Variants in TSPAN9 observed in about 807,000 individuals in gnomAD.
TSPAN9 encodes the protein tetraspanin 9.
In TSPAN9, 16 loss-of-function variants were observed where a neutral mutation model predicts 31.0. The observed-to-expected ratio is 0.52, with a 90% CI of 0.35 to 0.78. The LOEUF (loss-of-function observed/expected upper bound fraction) is 0.78. Among genes scored for constraint, TSPAN9 ranks in the 30% least tolerant of loss-of-function variants. The pLI is 0.01. For synonymous variants in TSPAN9, 145 were observed against 121.6 expected, an observed-to-expected ratio of 1.19 and a Z score of -1.27; for missense variants, 272 against 312.5, an observed-to-expected ratio of 0.87 and a Z score of 0.98.
Position 3,143,140 on chromosome 12 carries a change from T to C in TSPAN9, c.-17-58037T>C, listed in dbSNP as rs1258307515. Among the ~76,000 whole-genome samples the C allele has an allele frequency of 6.6e-6, 1 of 152,022 alleles. No homozygotes were observed. Among genetic ancestry groups the C allele is most frequent in the Non-Finnish European group, 1.5e-5 (1 of 68,012 alleles). ...GTGTGTGGCATCAAGGGGAATGTGATGTCTGTGTGTCTTATTACTGGTGAT... is the reference window on the plus strand; with the variant it reads ...GTGTGTGGCATCAAGGGGAATGTGACGTCTGTGTGTCTTATTACTGGTGAT... On this transcript the variant is annotated intron_variant, in intron 2 of 8. Transcript: ENST00000011898. The surrounding 1 kb of genome is among the most constrained non-coding windows in gnomAD (Gnocchi z 4.2).
chr12:3,216,986 G>A (rs532890703), intron 3 of TSPAN9, among the ~76,000 whole-genome samples: 2 of 152,358 alleles, frequency 1.3e-5, no homozygotes, highest in South Asian at 4.1e-4. Flanking sequence ...CCCCTGAACT[G>A]CAGTTGGAGG....
chr12:3,096,433 C>CTTTTTTTTTTTTTTTTTTTTTTTTTT (rs1302577208), intron 2 of TSPAN9, among the ~76,000 whole-genome samples: 1 of 152,118 alleles, frequency 6.6e-6, no homozygotes, highest in African/African-American at 2.4e-5. Flanking sequence ...TGCATTGTCT[C>CTTTTTTTTTTTTTTTTTTTTTTTTTT]TTTATTCCTT....
rs1439493698 is a variant in TSPAN9 at position 3,171,855 on chromosome 12, TC to T, written c.-17-29320del. 14 of 152,190 alleles carry T rather than the reference TC, an allele frequency of 9.2e-5. No individual in the cohort carries two copies. The East Asian group carries it at 2.5e-3, about 27-fold the overall frequency. The allele number at this position is 152,190 out of a possible 1,614,324, so 9.4% of individuals were successfully genotyped here. A position where few individuals can be genotyped will look rare whatever the true frequency, so the allele number is the denominator to read the frequency against. On this transcript the variant is annotated intron_variant, in intron 2 of 8. Coordinates refer to ENST00000011898, the MANE Select transcript of TSPAN9 (RefSeq NM_006675.5). ...AATCTCTGGGAGCGTGGCAGTTTCT[TC>T]CGTGTGTCACGTTCTCCCTGTGTCT...
intron 2 of TSPAN9, among the ~76,000 whole-genome samples, chr12:3,150,483 G>A (rs913760198): frequency 4.6e-5 from 7 of 152,124 alleles, no homozygotes; most frequent in East Asian, 1.9e-4. Flanking sequence ...TCTGTGGCCC[G>A]GTGTGAATCT....
intron 2 of TSPAN9, among the ~76,000 whole-genome samples, chr12:3,136,411 C>T (rs1253297082): frequency 6.6e-6 from 1 of 152,168 alleles, no homozygotes; most frequent in Admixed American, 6.5e-5. Flanking sequence ...TCCTCAAATG[C>T]CTTGTCTCAT....
intron 2 of TSPAN9, 74 bp from the exon 3 acceptor site, chr12:3,201,103 C>A (rs1006622829): frequency 3.5e-5 from 48 of 1,380,520 alleles, no homozygotes; most frequent in Admixed American, 1.4e-4. Flanking sequence ...GCGTTAAGAC[C>A]GACAAGTGCA....
At chr12:3,206,550 CAGTA>C in intron 3 of TSPAN9, 1 of 193,484 alleles carries the variant, frequency 5.2e-6, no homozygotes, top group Non-Finnish European at 1.1e-5. Context: ...TTATTCCTGT[CAGTA>C]AGAGAGGCAA....
In TSPAN9 at chr12:3,208,773, A is replaced by G. The variant is rs1223589019; in HGVS notation, c.63+7517A>G. Among the ~76,000 whole-genome samples the G allele has an allele frequency of 2.6e-5, 4 of 152,256 alleles. No individual in the cohort carries two copies. In the East Asian group the frequency reaches 7.7e-4, roughly 29 times the overall value. On this transcript the variant is annotated intron_variant, in intron 3 of 8. Transcript: ENST00000011898. ...TAGCTTATGAAATAGAGGACTTTCT[A>G]TGCCCATGAGCCTCTGTGACCCCCA...
At chr12:3,201,348 T>C (rs1591673735) in intron 3 of TSPAN9, 92 bp downstream of exon 3, 2 of 1,259,472 alleles carry the variant, frequency 1.6e-6, no homozygotes, top group East Asian at 4.7e-5. Flanking sequence ...TGTGCTGCAT[T>C]GCTCTGCTCT....
chr12:3,095,503 ACC>A (rs761277020), intron 2 of TSPAN9, among the ~76,000 whole-genome samples: 6 of 76,136 alleles, frequency 7.9e-5, no homozygotes, highest in African/African-American at 1.2e-4. Context: ...CGGGGGACTG[ACC>A]CCCCCCCACC....
intron 3 of TSPAN9, among the ~76,000 whole-genome samples, chr12:3,249,025 C>G (rs1353992569): frequency 6.6e-6 from 1 of 152,260 alleles, no homozygotes; most frequent in Non-Finnish European, 1.5e-5. Flanking sequence ...CCAGGCCTCA[C>G]TTTGCCCAGT....
At chr12:3,202,248 T>C (rs879755162) in intron 3 of TSPAN9, among the ~76,000 whole-genome samples, 1 of 152,190 alleles carries the variant, frequency 6.6e-6, no homozygotes, top group Non-Finnish European at 1.5e-5. Flanking sequence ...AGCACAGATG[T>C]TTGGCTCAGT....
At chr12:3,126,145 C>T (rs2098327269) in intron 2 of TSPAN9, among the ~76,000 whole-genome samples, 1 of 152,190 alleles carries the variant, frequency 6.6e-6, no homozygotes, top group South Asian at 2.1e-4. Flanking sequence ...CCTCCTCTGT[C>T]AAATGCATAA....
In TSPAN9 at chr12:3,170,961, C is replaced by T. The variant is rs531364367; in HGVS notation, c.-17-30216C>T. ...GTCCTAATGTACTGAAAAGCACACT[C>T]GTTGCCTCCCCACTCCTGTGTTCCT... On this transcript the variant is annotated intron_variant, in intron 2 of 8. Transcript: ENST00000011898. This position sits in a 1 kb window ranked among gnomAD's most constrained non-coding sequence, Gnocchi z 4.4. Among the ~76,000 whole-genome samples, 85 of 152,298 alleles carry T rather than the reference C, an allele frequency of 5.6e-4. No individual in the cohort carries two copies. In the South Asian group the frequency reaches 8.1e-3, roughly 14 times the overall value.
chr12:3,216,455 T>C (rs2098381453), intron 3 of TSPAN9, among the ~76,000 whole-genome samples: 1 of 151,664 alleles, frequency 6.6e-6, no homozygotes, highest in South Asian at 2.1e-4. Context: ...TGGGAGGATA[T>C]GGGGAGCTTC....
chr12:3,207,626 A>AC (rs1351235235), intron 3 of TSPAN9, among the ~76,000 whole-genome samples: 6 of 152,034 alleles, frequency 3.9e-5, no homozygotes, highest in Non-Finnish European at 7.4e-5. Flanking sequence ...GGTGGGGTCT[A>AC]CCTCCTCTCC....
At chr12:3,115,037 A>G (rs2153965703) in intron 2 of TSPAN9, among the ~76,000 whole-genome samples, 1 of 151,876 alleles carries the variant, frequency 6.6e-6, no homozygotes, top group East Asian at 1.9e-4. Context: ...ATCACCCCCA[A>G]AAGAAACTCC....
At chr12:3,193,451 T>C (rs2098365519) in intron 2 of TSPAN9, among the ~76,000 whole-genome samples, 1 of 152,216 alleles carries the variant, frequency 6.6e-6, no homozygotes, top group African/African-American at 2.4e-5. Flanking sequence ...CTAAGCTAAC[T>C]GATCTTTCCG....
chr12:3,234,062 G>A (rs550002103), intron 3 of TSPAN9, among the ~76,000 whole-genome samples: 13 of 152,288 alleles, frequency 8.5e-5, no homozygotes, highest in African/African-American at 2.9e-4. Context: ...GGGCTGAGAC[G>A]TCCTCGAAGA....
Sources: gnomAD v4.1 joint callset for allele counts (sites outside exome capture counted in the v4.1 genomes callset) on GRCh38, gnomAD v4.1.1 for gene constraint, Gnocchi (gnomAD v3.1) non-coding constraint, MANE v1.5 for transcripts, NCBI Gene and HGNC (gene_info 2026-07-23, HGNC 2026-07-21) for gene names.